CBLN2: variants seen among roughly 807,000 people sequenced by gnomAD.
CBLN2 encodes cerebellin-2.
Under a neutral mutation model 15.0 loss-of-function variants are expected in CBLN2, and 7 were observed. That is an observed-to-expected ratio of 0.47 (90% confidence interval 0.27 to 0.88). The LOEUF (loss-of-function observed/expected upper bound fraction) is 0.88. Among genes scored for constraint, CBLN2 ranks in the 40% least tolerant of loss-of-function variants. The probability of loss-of-function intolerance (pLI) is 0.14; values close to 1 mark genes in which losing one functional copy is unlikely to be tolerated. For synonymous variants in CBLN2, 149 were observed against 135.2 expected, an observed-to-expected ratio of 1.10 and a Z score of -0.71; for missense variants, 242 against 304.5, an observed-to-expected ratio of 0.79 and a Z score of 1.53.
chr18:72,632,297 ATGTTTTACCTTGTT>A (rs1312181956), intron 1 of CBLN2, among the ~76,000 whole-genome samples: 1 of 152,120 alleles, frequency 6.6e-6, no homozygotes, highest in African/African-American at 2.4e-5. Flanking sequence ...TGATAAGGTA[ATGTTTTACCTTGTT>A]TGTTTGTTTT....
chr18:72,544,010 T>A lies in CBLN2; in HGVS notation c.-245A>T, dbSNP rs903957713. The A allele has an allele frequency of 6.6e-6, 1 of 152,338 alleles. No homozygotes were observed. The highest frequency in any genetic ancestry group is 2.4e-5 in the African/African-American group (1 of 41,452). 9.4% of individuals were successfully genotyped at this position (152,338 alleles called of 1,614,324 possible). A position where few individuals can be genotyped will look rare whatever the true frequency, so the allele number is the denominator to read the frequency against. Reference sequence around the variant, plus strand: ...CCAGAGCAAAATACTCCCAGACGTCTCTTTTGAAAATTAGACACCCTTAAA... The same window carrying A: ...CCAGAGCAAAATACTCCCAGACGTCACTTTTGAAAATTAGACACCCTTAAA... On this transcript the variant is annotated 5_prime_UTR_variant, in exon 1 of 5. Coordinates refer to ENST00000269503, the MANE Select transcript of CBLN2 (RefSeq NM_182511.4).
At chr18:72,540,565 G>A (rs1054768060) in intron 3 of CBLN2, among the ~76,000 whole-genome samples, 3 of 152,070 alleles carry the variant, frequency 2.0e-5, no homozygotes, top group African/African-American at 7.3e-5. Flanking sequence ...TACTAATAGA[G>A]TATTAGTTCC....
At chr18:72,612,769 T>G (rs2069630965) in intron 1 of CBLN2, among the ~76,000 whole-genome samples, 1 of 152,222 alleles carries the variant, frequency 6.6e-6, no homozygotes, top group South Asian at 2.1e-4. Context: ...CTCTTCTAAC[T>G]TGTATTTTTG....
chr18:72,564,645 T>G (rs1160375897), intron 1 of CBLN2, among the ~76,000 whole-genome samples: 1 of 152,184 alleles, frequency 6.6e-6, no homozygotes, highest in Non-Finnish European at 1.5e-5. Flanking sequence ...AAATCTACAA[T>G]ATTTATGAGA....
intron 1 of CBLN2, among the ~76,000 whole-genome samples, chr18:72,570,209 T>C (rs2069322158): frequency 1.3e-5 from 2 of 152,084 alleles, no homozygotes; most frequent in African/African-American, 4.8e-5. Context: ...TAGAGACACC[T>C]ATTTAATATG....
chr18:72,561,025 G>GAAAAAT (rs1490295731), intron 1 of CBLN2, among the ~76,000 whole-genome samples: 2 of 151,730 alleles, frequency 1.3e-5, no homozygotes, highest in African/African-American at 4.8e-5. Context: ...AATAAAGAAA[G>GAAAAAT]AAAAATAAAA....
chr18:72,615,078 A>AGAAAATATATATATTTATATATTT (rs1568132402), intron 1 of CBLN2, among the ~76,000 whole-genome samples: 6 of 134,062 alleles, frequency 4.5e-5, no homozygotes, highest in African/African-American at 1.7e-4. Context: ...TTTATATATT[A>AGAAAATATATATATTTATATATTT]TAGAAAATAT....
chr18:72,610,849 G>A (rs1319950769), intron 1 of CBLN2, among the ~76,000 whole-genome samples: 1 of 152,034 alleles, frequency 6.6e-6, no homozygotes, highest in Non-Finnish European at 1.5e-5. Context: ...TGGTCACTTG[G>A]GTACTGAGCA....
chr18:72,584,571 G>C (rs2069429851), intron 1 of CBLN2, among the ~76,000 whole-genome samples: 2 of 151,652 alleles, frequency 1.3e-5, no homozygotes, highest in South Asian at 4.2e-4. Flanking sequence ...CAAAGTGCTG[G>C]GATTACATGC....
intron 1 of CBLN2, among the ~76,000 whole-genome samples, chr18:72,572,595 C>T (rs1045041766): frequency 6.6e-6 from 1 of 151,908 alleles, no homozygotes; most frequent in Non-Finnish European, 1.5e-5. Flanking sequence ...GTTTTACTGC[C>T]TTTTTTTGAG....
chr18:72,586,370 A>G (rs2069443241), intron 1 of CBLN2, among the ~76,000 whole-genome samples: 1 of 152,208 alleles, frequency 6.6e-6, no homozygotes, highest in African/African-American at 2.4e-5. Context: ...AGTTCTATAC[A>G]CTAAAGGTGG....
chr18:72,631,890 T>C (rs1442871932), intron 1 of CBLN2, among the ~76,000 whole-genome samples: 4 of 152,174 alleles, frequency 2.6e-5, no homozygotes, highest in South Asian at 4.1e-4. Flanking sequence ...TATTGACATA[T>C]GTAATTTACA....
At chr18:72,573,001 G>A (rs1171832722) in intron 1 of CBLN2, among the ~76,000 whole-genome samples, 2 of 152,070 alleles carry the variant, frequency 1.3e-5, no homozygotes, top group East Asian at 3.8e-4. Context: ...TCTCTAAAAG[G>A]TAGTTCAAAG....
At chr18:72,561,942 G>C (rs563187950) in intron 1 of CBLN2, among the ~76,000 whole-genome samples, 3 of 152,138 alleles carry the variant, frequency 2.0e-5, no homozygotes, top group African/African-American at 7.2e-5. Context: ...TTGGCAGGTG[G>C]TCTATGTGAT....
At chr18:72,540,392 C>T (rs1022674293) in intron 3 of CBLN2, 2 of 152,190 alleles carry the variant, frequency 1.3e-5, no homozygotes, top group Admixed American at 6.5e-5. Context: ...ATAGTTTGCT[C>T]ATGTATAAAA....
intron 1 of CBLN2, among the ~76,000 whole-genome samples, chr18:72,628,317 C>T (rs1033462061): frequency 1.3e-5 from 2 of 152,186 alleles, no homozygotes; most frequent in African/African-American, 4.8e-5. Flanking sequence ...GAGGCAGGCT[C>T]TGCACTGGAG....
chr18:72,586,678 C>T (rs112971534), intron 1 of CBLN2, among the ~76,000 whole-genome samples: 6 of 152,182 alleles, frequency 3.9e-5, no homozygotes, highest in Admixed American at 2.6e-4. Context: ...TCACACAGTA[C>T]GTTAGTGACT....
At position 72,537,004 on chromosome 18, in the gene CBLN2, C is replaced by T. The variant is rs895325318; in HGVS notation, c.*1172G>A. 6.6e-6 allele frequency: 1 copy of T among 152,426 alleles called. No homozygotes were observed. Among genetic ancestry groups the T allele is most frequent in the Non-Finnish European group, 1.5e-5 (1 of 68,066 alleles). 9.4% of individuals were successfully genotyped at this position (152,426 alleles called of 1,614,324 possible). ...AGGAGAGTGTCAATGCATCCCTTTC[C>T]TGGGCAGATCAAAAGAGGATCCGGA... On this transcript the variant is annotated 3_prime_UTR_variant, in exon 5 of 5. Coordinates refer to ENST00000269503, the MANE Select transcript of CBLN2 (RefSeq NM_182511.4).
chr18:72,628,120 C>T (rs1426924157), intron 1 of CBLN2, among the ~76,000 whole-genome samples: 1 of 152,196 alleles, frequency 6.6e-6, no homozygotes, highest in African/African-American at 2.4e-5. Context: ...CAATCAGTCT[C>T]ATCACATTGG....
Sources: gnomAD v4.1 joint callset for allele counts (sites outside exome capture counted in the v4.1 genomes callset) on GRCh38, gnomAD v4.1.1 for gene constraint, MANE v1.5 for transcripts, NCBI Gene and HGNC (gene_info 2026-07-23, HGNC 2026-07-21) for gene names.